The following CADM2 variants were observed in gnomAD, a reference collection of about 807,000 sequenced individuals.
CADM2 encodes immunoglobulin superfamily member 4D.
CADM2 carries 12 observed loss-of-function variants against 49.8 expected under a neutral mutation model. The observed-to-expected ratio is 0.24, with a 90% confidence interval of 0.15 to 0.39. CADM2 has a LOEUF of 0.39. Among genes scored for constraint, CADM2 ranks in the 10% least tolerant of loss-of-function variants. The probability of loss-of-function intolerance (pLI) is 1.00; values close to 1 mark genes in which losing one functional copy is unlikely to be tolerated. For synonymous variants in CADM2, 214 were observed against 175.4 expected, an observed-to-expected ratio of 1.22 and a Z score of -1.74; for missense variants, 378 against 492.3, an observed-to-expected ratio of 0.77 and a Z score of 2.20.
At chr3:85,616,751 G>A (rs949453791) in intron 1 of CADM2, among the ~76,000 whole-genome samples, 2 of 152,128 alleles carry the variant, frequency 1.3e-5, no homozygotes, top group African/African-American at 4.8e-5. Context: ...TATTGAAATA[G>A]ATTTTTGTAA....
chr3:85,189,295 T>G (rs770533355), intron 1 of CADM2, among the ~76,000 whole-genome samples: 14 of 151,990 alleles, frequency 9.2e-5, no homozygotes, highest in Non-Finnish European at 1.9e-4. Context: ...TGTTATCAAT[T>G]TTCCATTCCA....
At chr3:85,699,737 G>T (rs1412618477) in intron 1 of CADM2, among the ~76,000 whole-genome samples, 2 of 152,212 alleles carry the variant, frequency 1.3e-5, no homozygotes, top group Non-Finnish European at 2.9e-5. Flanking sequence ...GTGATGGAAG[G>T]GACAGCCAGG....
chr3:85,725,983 G>T (rs2067682185), intron 1 of CADM2, among the ~76,000 whole-genome samples: 1 of 151,808 alleles, frequency 6.6e-6, no homozygotes, highest in Admixed American at 6.6e-5. Context: ...CAAGTAATTT[G>T]ACCTTTCTCA....
intron 5 of CADM2, among the ~76,000 whole-genome samples, chr3:85,910,487 T>G (rs1229920985): frequency 6.6e-6 from 1 of 152,016 alleles, no homozygotes; most frequent in East Asian, 1.9e-4. Context: ...GGTCATAGAG[T>G]CTTTAATATT....
At chr3:85,536,636 G>A (rs1329457452) in intron 1 of CADM2, among the ~76,000 whole-genome samples, 1 of 152,032 alleles carries the variant, frequency 6.6e-6, no homozygotes, top group East Asian at 1.9e-4. Flanking sequence ...AGGCTTTGCA[G>A]CCTTTTCACT....
At chr3:85,325,464 C>A (rs1347241781) in intron 1 of CADM2, among the ~76,000 whole-genome samples, 5 of 152,146 alleles carry the variant, frequency 3.3e-5, no homozygotes, top group Non-Finnish European at 5.9e-5. Context: ...ATAATCCCAG[C>A]ACTTTGGGAG....
At chr3:85,761,754 C>T (rs2069393413) in intron 2 of CADM2, among the ~76,000 whole-genome samples, 2 of 152,162 alleles carry the variant, frequency 1.3e-5, no homozygotes, top group African/African-American at 4.8e-5. Context: ...GAGATGATCT[C>T]ATTCTTGTGT....
chr3:86,052,197 A>T (rs559807456), intron 8 of CADM2, among the ~76,000 whole-genome samples: 1 of 152,296 alleles, frequency 6.6e-6, no homozygotes, highest in East Asian at 1.9e-4. Context: ...GATTTATTTT[A>T]GGTTATGTAT....
rs573996644 is a variant in CADM2, at chr3:85,888,048, A to C, written c.529+1721A>C. ...CACTAAAATGCACTTCTTAGATACA[A>C]TCCTTCAATGAATTACTTTATTACC... On this transcript the variant is annotated intron_variant, in intron 5 of 9. Coordinates refer to ENST00000383699, the MANE Select transcript of CADM2 (RefSeq NM_001167675.2). Among the ~76,000 whole-genome samples the C allele has an allele frequency of 5.3e-4, 80 of 152,278 alleles. 1 individual carries two copies. Among genetic ancestry groups the C allele is most frequent in the Middle Eastern group, 6.8e-3 (2 of 294 alleles).
chr3:85,118,716 G>T (rs2038736538), intron 1 of CADM2, among the ~76,000 whole-genome samples: 1 of 152,142 alleles, frequency 6.6e-6, no homozygotes, highest in Non-Finnish European at 1.5e-5. Context: ...AAACGTTGAA[G>T]AAGTTTAATG....
chr3:85,888,471 G>C (rs925723875), intron 5 of CADM2, among the ~76,000 whole-genome samples: 12 of 152,138 alleles, frequency 7.9e-5, no homozygotes, highest in African/African-American at 2.7e-4. Flanking sequence ...AATGAAGACA[G>C]AAACAGGTAC....
At chr3:85,136,652 T>G (rs2107619600) in intron 1 of CADM2, among the ~76,000 whole-genome samples, 1 of 152,094 alleles carries the variant, frequency 6.6e-6, no homozygotes, top group Non-Finnish European at 1.5e-5. Context: ...CTTTACAATC[T>G]AACTGCAAGT....
At chr3:85,952,585 A>G (rs1723569585) in intron 7 of CADM2, among the ~76,000 whole-genome samples, 1 of 150,536 alleles carries the variant, frequency 6.6e-6, no homozygotes, top group Non-Finnish European at 1.5e-5. Context: ...CTTTTGTTTA[A>G]TTGCTTTGTT....
rs1391300739 is a variant in CADM2 at position 85,581,687 on chromosome 3, T to C, written c.62-144835T>C. 4.6e-5 allele frequency among the ~76,000 whole-genome samples: 7 copies of C among 152,150 alleles called. No individual in the cohort carries two copies. In the East Asian group the frequency reaches 1.2e-3, roughly 25 times the overall value. On this transcript the variant is annotated intron_variant, in intron 1 of 9. Transcript: ENST00000383699. ...CCCTGAAGCTGAATAAACTTGCTCATACATGGAAAACTGGGCTATCATTTC... is the reference window on the plus strand; with the variant it reads ...CCCTGAAGCTGAATAAACTTGCTCACACATGGAAAACTGGGCTATCATTTC...
At position 86,068,659 on chromosome 3, in the gene CADM2, G is replaced by A. The variant is rs982831319; in HGVS notation, c.*1876G>A. On this transcript the variant is annotated 3_prime_UTR_variant, in exon 10 of 10. Coordinates refer to ENST00000383699, the MANE Select transcript of CADM2 (RefSeq NM_001167675.2). ...TTAAAGTTTTTTTTTGATTGTTGAAGCATTTATCTTGTTGATTTCTTACAA... is the reference window on the plus strand; with the variant it reads ...TTAAAGTTTTTTTTTGATTGTTGAAACATTTATCTTGTTGATTTCTTACAA... 1 of 152,200 alleles carries A rather than the reference G, an allele frequency of 6.6e-6. No individual in the cohort carries two copies. Among genetic ancestry groups the A allele is most frequent in the Non-Finnish European group, 1.5e-5 (1 of 67,806 alleles). 9.4% of individuals were successfully genotyped at this position (152,200 alleles called of 1,614,324 possible).
intron 8 of CADM2, among the ~76,000 whole-genome samples, chr3:85,995,073 A>C: frequency 6.6e-6 from 1 of 151,256 alleles, no homozygotes; most frequent in South Asian, 2.1e-4. Context: ...AGCACAATAA[A>C]ATGAAATATA....
intron 1 of CADM2, among the ~76,000 whole-genome samples, chr3:85,277,828 A>G (rs188426836): frequency 1.1e-4 from 16 of 151,448 alleles, no homozygotes; most frequent in Admixed American, 9.9e-4. Context: ...AGATCAGTTT[A>G]TAAATGCCTC....
intron 1 of CADM2, among the ~76,000 whole-genome samples, chr3:85,411,757 A>T (rs2035667701): frequency 6.6e-6 from 1 of 152,228 alleles, no homozygotes; most frequent in African/African-American, 2.4e-5. Flanking sequence ...TTGAGAAGTT[A>T]TGCAAAATGG....
chr3:85,387,165 A>G (rs1395501786), intron 1 of CADM2, among the ~76,000 whole-genome samples: 1 of 152,188 alleles, frequency 6.6e-6, no homozygotes, highest in African/African-American at 2.4e-5. Context: ...AAAGCTGGTC[A>G]GGCTACAGAC....
Sources: allele counts gnomAD v4.1 joint callset (sites outside exome capture counted in the v4.1 genomes callset), GRCh38; gene constraint gnomAD v4.1.1; transcripts MANE v1.5; gene names NCBI Gene and HGNC (gene_info 2026-07-23, HGNC 2026-07-21).